SF3A3: variants seen among roughly 807,000 people sequenced by gnomAD.
The protein encoded by SF3A3 is SAP 61.
Under a neutral mutation model 85.8 loss-of-function variants are expected in SF3A3, and 9 were observed. The ratio of observed to expected loss-of-function variants is 0.10; its 90% CI spans 0.06 to 0.18. SF3A3 has a LOEUF of 0.18. Among genes scored for constraint, SF3A3 ranks in the 10% least tolerant of loss-of-function variants. SF3A3 has a pLI of 1.00. For missense variants in SF3A3, 306 were observed against 593.3 expected, an observed-to-expected ratio of 0.52 and a Z score of 5.03; for synonymous variants, 195 against 204.4, an observed-to-expected ratio of 0.95 and a Z score of 0.39.
chr1:37,972,066 TG>T (rs1342416438), intron 12 of SF3A3, among the ~76,000 whole-genome samples: 1 of 152,198 alleles, frequency 6.6e-6, no homozygotes, highest in Non-Finnish European at 1.5e-5. Flanking sequence ...GAAGTCAAAT[TG>T]TCCCTGTTTG....
At chr1:37,979,384 A>G (rs1476918730) in intron 9 of SF3A3, 81 bp downstream of exon 9, 2 of 1,059,764 alleles carry the variant, frequency 1.9e-6, no homozygotes, top group Non-Finnish European at 2.9e-6. Flanking sequence ...CAACACAACC[A>G]TGGTATTAAA....
chr1:37,961,597 A>C (rs1454293984), intron 15 of SF3A3, among the ~76,000 whole-genome samples: 5 of 150,538 alleles, frequency 3.3e-5, no homozygotes, highest in African/African-American at 1.2e-4. Flanking sequence ...AAAAACAAAA[A>C]AAAATTAGCT....
chr1:37,988,153 C>A (rs1646468828), intron 2 of SF3A3, among the ~76,000 whole-genome samples: 1 of 152,194 alleles, frequency 6.6e-6, no homozygotes, highest in Non-Finnish European at 1.5e-5. Context: ...AACAGACTCA[C>A]CCTCTTTGGC....
chr1:37,965,042 C>T (rs1386268005), intron 15 of SF3A3, among the ~76,000 whole-genome samples: 2 of 152,022 alleles, frequency 1.3e-5, no homozygotes, highest in Non-Finnish European at 2.9e-5. Context: ...CCTGTGGTCC[C>T]AGCTACTTGG....
intron 9 of SF3A3, 192 bp downstream of exon 9, chr1:37,979,272 GT>G (rs1285903508): frequency 8.0e-6 from 5 of 622,620 alleles, no homozygotes; most frequent in Non-Finnish European, 1.4e-5. Flanking sequence ...ACGGCTTAAT[GT>G]AGTTAGAATA....
intron 15 of SF3A3, chr1:37,960,700 G>A (rs1001949141): frequency 1.3e-5 from 2 of 153,122 alleles, no homozygotes; most frequent in African/African-American, 4.8e-5. Context: ...GCCCAGGCTG[G>A]AGTGCAGTGG....
At chr1:37,972,414 G>A (rs1646350500) in intron 12 of SF3A3, among the ~76,000 whole-genome samples, 2 of 152,166 alleles carry the variant, frequency 1.3e-5, no homozygotes, top group African/African-American at 4.8e-5. Context: ...TCAATATTGT[G>A]AAAATGGCCA....
At chr1:37,970,791 GT>G (rs1646340081) in intron 12 of SF3A3, among the ~76,000 whole-genome samples, 1 of 152,104 alleles carries the variant, frequency 6.6e-6, no homozygotes. Flanking sequence ...CAGAAATAAA[GT>G]GTTCTTGGAA....
chr1:37,975,727 G>T (rs1229613084), intron 12 of SF3A3, among the ~76,000 whole-genome samples: 9 of 152,144 alleles, frequency 5.9e-5, no homozygotes, highest in Admixed American at 5.9e-4. Context: ...TAGTTCTACA[G>T]CTATTATACG....
chr1:37,971,808 C>G (rs948521959), intron 12 of SF3A3, among the ~76,000 whole-genome samples: 11 of 152,240 alleles, frequency 7.2e-5, no homozygotes, highest in African/African-American at 2.6e-4. Context: ...ATTCAACAGC[C>G]CTTCATGCTA....
chr1:37,958,723 T>G (rs1405901112), intron 16 of SF3A3, among the ~76,000 whole-genome samples: 1 of 152,162 alleles, frequency 6.6e-6, no homozygotes, highest in Admixed American at 6.6e-5. Flanking sequence ...TTCTATTTTA[T>G]ATATCAGAGT....
intron 15 of SF3A3, among the ~76,000 whole-genome samples, chr1:37,964,995 C>T (rs1315367534): frequency 6.6e-6 from 1 of 151,982 alleles, no homozygotes; most frequent in African/African-American, 2.4e-5. Context: ...CCCGTCTCTA[C>T]TAAAAATACA....
intron 15 of SF3A3, among the ~76,000 whole-genome samples, chr1:37,963,967 G>A (rs1424036252): frequency 6.7e-6 from 1 of 150,248 alleles, no homozygotes; most frequent in African/African-American, 2.4e-5. Flanking sequence ...AGATCATGAG[G>A]TCAGAGATCA....
At chr1:37,974,925 T>C (rs1215868952) in intron 12 of SF3A3, among the ~76,000 whole-genome samples, 1 of 152,206 alleles carries the variant, frequency 6.6e-6, no homozygotes, top group Non-Finnish European at 1.5e-5. Flanking sequence ...CTTTTTCTTC[T>C]CCCTTCTCTC....
At chr1:37,961,820 G>A (rs556044865) in intron 15 of SF3A3, among the ~76,000 whole-genome samples, 30 of 140,652 alleles carry the variant, frequency 2.1e-4, no homozygotes, top group African/African-American at 5.8e-4. Flanking sequence ...GGTGTCTCAC[G>A]CCTGTAATCC....
chr1:37,987,560 T>A lies in SF3A3; in HGVS notation c.303+13A>T. ...AGGATAGGTCTGGAGAAAATACTTT[T>A]CTGAGGACATACCTCATTTGGGTGC... On this transcript the variant is annotated intron_variant, in intron 4 of 16. Coordinates refer to ENST00000373019, the MANE Select transcript of SF3A3 (RefSeq NM_006802.4). 1 of 1,578,326 alleles carries A rather than the reference T, an allele frequency of 6.3e-7. No individual in the cohort carries two copies. Among genetic ancestry groups the A allele is most frequent in the South Asian group, 1.1e-5 (1 of 90,394 alleles).
chr1:37,980,817 T>C, intron 7 of SF3A3, 93 bp from the exon 8 acceptor site: 1 of 904,720 alleles, frequency 1.1e-6, no homozygotes, highest in East Asian at 2.9e-5. Context: ...CTTATAATTC[T>C]AGTAATGCTA....
At chr1:37,979,123 AGAGGGTGGGTGTTCCT>A (rs1646399325) in intron 9 of SF3A3, 68 bp from the exon 10 acceptor site, 1 of 1,287,060 alleles carries the variant, frequency 7.8e-7, no homozygotes, top group African/African-American at 1.5e-5. Context: ...AATGCAGGCC[AGAGGGTGGGTGTTCCT>A]GAGGCTGTGG....
intron 11 of SF3A3, among the ~76,000 whole-genome samples, chr1:37,977,376 G>A (rs77442909): frequency 0.017 from 2,600 of 152,180 alleles, 31 homozygotes; most frequent in South Asian, 0.038. Context: ...TAATTTTCTG[G>A]GTTGTTGTGA....
Sources: gnomAD v4.1 joint callset for allele counts (sites outside exome capture counted in the v4.1 genomes callset) on GRCh38, gnomAD v4.1.1 for gene constraint, MANE v1.5 for transcripts, NCBI Gene and HGNC (gene_info 2026-07-23, HGNC 2026-07-21) for gene names.